Variants in NUP155 observed in about 807,000 individuals in gnomAD.
NUP155 encodes the protein nuclear pore complex protein Nup155.
NUP155 carries 71 observed loss-of-function variants against 180.4 expected under a neutral mutation model. That is an observed-to-expected ratio of 0.39 (90% CI 0.33 to 0.48). NUP155 has a LOEUF of 0.48. NUP155 is among the 20% of genes least tolerant of loss of function. NUP155 has a pLI of 0.91. For missense variants in NUP155, 1,553 were observed against 1,648.9 expected (o/e 0.94, Z 1.01); for synonymous variants, 582 against 559.5 (o/e 1.04, Z -0.57).
At chr5:37,304,876 T>C in intron 26 of NUP155, 33 bp from the exon 27 acceptor site, 1 of 1,583,884 alleles carries the variant, frequency 6.3e-7, no homozygotes. Flanking sequence ...AATTAGCAGT[T>C]AAAGGCTCTG....
At chr5:37,299,077 G>A (rs1742732008) in intron 31 of NUP155, 99 bp from the exon 32 acceptor site, 1 of 752,770 alleles carries the variant, frequency 1.3e-6, no homozygotes, top group Non-Finnish European at 2.4e-6. Flanking sequence ...AAATACTTTA[G>A]AACAGATAGT....
Position 37,365,260 on chromosome 5 carries a change from A to AAAGT in NUP155, c.158-877_158-876insACTT, listed in dbSNP as rs1554133485. On this transcript the variant is annotated intron_variant, in intron 1 of 34. Transcript: ENST00000231498. Reference sequence around the variant, plus strand: ...AGCGACAGGGCAAGACTCTGTCTCAAAAATAAATAAATAAATAAATAAACA... The same window carrying AAAGT: ...AGCGACAGGGCAAGACTCTGTCTCAAAAGTAAATAAATAAATAAATAAATAAACA... Among the ~76,000 whole-genome samples, 3 of 149,624 alleles carry AAAGT rather than the reference A, an allele frequency of 2.0e-5. No homozygotes were observed. The East Asian group carries it at 6.1e-4, about 31-fold the overall frequency.
At chr5:37,363,472 C>T (rs527655203) in intron 3 of NUP155, among the ~76,000 whole-genome samples, 17 of 152,288 alleles carry the variant, frequency 1.1e-4, no homozygotes, top group African/African-American at 3.4e-4. Flanking sequence ...AATTTACACA[C>T]GGGTCAAATT....
chr5:37,294,591 C>A (rs576691385), intron 32 of NUP155, 126 bp from the exon 33 acceptor site: 1 of 937,604 alleles, frequency 1.1e-6, no homozygotes, highest in Non-Finnish European at 1.6e-6. Context: ...TTTTTTGGGG[C>A]GGGGGGTTTT....
intron 32 of NUP155, 144 bp from the exon 33 acceptor site, chr5:37,294,609 A>T: frequency 1.3e-6 from 1 of 742,730 alleles, no homozygotes; most frequent in Non-Finnish European, 2.3e-6. Flanking sequence ...TTTTTTTGCT[A>T]TGTTGCCCAG....
At chr5:37,368,457 T>A (rs1360536374) in intron 1 of NUP155, among the ~76,000 whole-genome samples, 1 of 152,010 alleles carries the variant, frequency 6.6e-6, no homozygotes, top group East Asian at 1.9e-4. Context: ...GGTCTCAAAC[T>A]TCTGGGCTCA....
intron 18 of NUP155, 106 bp downstream of exon 18, chr5:37,327,522 TA>T (rs1744679694): frequency 7.6e-7 from 1 of 1,310,432 alleles, no homozygotes; most frequent in African/African-American, 1.5e-5. Context: ...GAGCTAAAAC[TA>T]AAATTTAATA....
At chr5:37,326,107 T>G (rs1369723880) in intron 18 of NUP155, 140 bp from the exon 19 acceptor site, 3 of 665,970 alleles carry the variant, frequency 4.5e-6, no homozygotes, top group Non-Finnish European at 7.9e-6. Flanking sequence ...CTAAGCTATC[T>G]AGAAGAGTGG....
At chr5:37,352,915 C>G (rs1270589885) in intron 4 of NUP155, 86 bp from the exon 5 acceptor site, 1 of 863,780 alleles carries the variant, frequency 1.2e-6, no homozygotes. Flanking sequence ...AAGTGAGCTA[C>G]TAATTAAATG....
At chr5:37,339,821 C>T (rs994392280) in intron 11 of NUP155, among the ~76,000 whole-genome samples, 8 of 152,030 alleles carry the variant, frequency 5.3e-5, no homozygotes, top group Admixed American at 1.3e-4. Flanking sequence ...TAGAGTGCAG[C>T]GGTAGGATCT....
chr5:37,301,579 A>T (rs1256301209), intron 29 of NUP155, 29 bp from the exon 30 acceptor site: 2 of 1,292,448 alleles, frequency 1.5e-6, no homozygotes, highest in Non-Finnish European at 2.3e-6. Flanking sequence ...AGGATGTCTT[A>T]ATTTATTTAT....
rs1286018137 is a variant in NUP155, at chr5:37,309,277, G to A, written c.2629-10C>T. Reference sequence around the variant, plus strand: ...GGAGAAGCTCATTTGCCTAGAAGAGGAGATAACAAGAACTTAAAAATATAT... The same window carrying A: ...GGAGAAGCTCATTTGCCTAGAAGAGAAGATAACAAGAACTTAAAAATATAT... On this transcript the variant is annotated splice_polypyrimidine_tract_variant and intron_variant, in intron 23 of 34. Coordinates refer to ENST00000231498, the MANE Select transcript of NUP155 (RefSeq NM_153485.3). The A allele has an allele frequency of 6.4e-7, 1 of 1,571,102 alleles. No individual in the cohort carries two copies. Among genetic ancestry groups the A allele is most frequent in the Non-Finnish European group, 8.7e-7 (1 of 1,147,698 alleles).
intron 20 of NUP155, among the ~76,000 whole-genome samples, chr5:37,323,523 A>G (rs983084278): frequency 6.6e-6 from 1 of 151,864 alleles, no homozygotes; most frequent in Non-Finnish European, 1.5e-5. Context: ...ATGTATATAA[A>G]TATGTCTATA....
chr5:37,341,448 G>A (rs1179124407), intron 10 of NUP155, among the ~76,000 whole-genome samples: 1 of 152,124 alleles, frequency 6.6e-6, no homozygotes, highest in East Asian at 1.9e-4. Context: ...TGCAACCTCC[G>A]CCTCCCGGGT....
intron 22 of NUP155, 125 bp from the exon 23 acceptor site, chr5:37,310,868 T>C: frequency 2.5e-6 from 2 of 788,240 alleles, no homozygotes; most frequent in South Asian, 4.3e-5. Flanking sequence ...AGCGAAAATA[T>C]ACTAATTAGT....
intron 12 of NUP155, among the ~76,000 whole-genome samples, chr5:37,336,300 G>C (rs1286732112): frequency 6.6e-6 from 1 of 152,090 alleles, no homozygotes; most frequent in African/African-American, 2.4e-5. Context: ...GGGCAATATA[G>C]TCAGACCCTG....
chr5:37,369,284 A>C (rs536760798), intron 1 of NUP155, among the ~76,000 whole-genome samples: 2 of 152,312 alleles, frequency 1.3e-5, no homozygotes, highest in East Asian at 3.9e-4. Flanking sequence ...AAGACAACAA[A>C]GAGAAACTAA....
intron 12 of NUP155, among the ~76,000 whole-genome samples, chr5:37,336,171 T>G (rs887946907): frequency 1.3e-5 from 2 of 152,092 alleles, no homozygotes; most frequent in South Asian, 4.1e-4. Context: ...TTATATGACA[T>G]GCAGCATTTG....
At chr5:37,361,285 A>AAAAAAAG (rs397997410) in intron 3 of NUP155, among the ~76,000 whole-genome samples, 126 of 141,490 alleles carry the variant, frequency 8.9e-4, no homozygotes, top group African/African-American at 3.8e-3. Flanking sequence ...AAAAAAAAAA[A>AAAAAAAG]GACAATGGCT....
Sources: gnomAD v4.1 joint callset for allele counts (sites outside exome capture counted in the v4.1 genomes callset) on GRCh38, gnomAD v4.1.1 for gene constraint, MANE v1.5 for transcripts, NCBI Gene and HGNC (gene_info 2026-07-23, HGNC 2026-07-21) for gene names.